Variants in PLEKHM1 observed in about 807,000 individuals in gnomAD.
PLEKHM1 encodes pleckstrin homology domain-containing family M member 1.
PLEKHM1 carries 28 observed loss-of-function variants against 94.3 expected under a neutral mutation model. That is an observed-to-expected ratio of 0.30 (90% confidence interval 0.22 to 0.41). The LOEUF (loss-of-function observed/expected upper bound fraction) is 0.41. PLEKHM1 is among the 10% of genes least tolerant of loss of function. The pLI is 1.00. For missense variants in PLEKHM1, 907 were observed against 1,358.6 expected, an observed-to-expected ratio of 0.67 and a Z score of 5.22; for synonymous variants, 424 against 581.2, an observed-to-expected ratio of 0.73 and a Z score of 3.89.
At chr17:45,477,186 C>A (rs1284935024) in intron 3 of PLEKHM1, 1 of 156,506 alleles carries the variant, frequency 6.4e-6, no homozygotes, top group Non-Finnish European at 1.4e-5. Context: ...TATATAATCC[C>A]AGCACTTTGG....
chr17:45,441,262 C>T (rs748904837), intron 9 of PLEKHM1, among the ~76,000 whole-genome samples: 2 of 152,140 alleles, frequency 1.3e-5, no homozygotes, highest in South Asian at 2.1e-4. Context: ...TGGGTCTGGG[C>T]CTCCGGGGTG....
chr17:45,454,419 G>C, intron 6 of PLEKHM1, 147 bp from the exon 7 acceptor site: 1 of 724,462 alleles, frequency 1.4e-6, no homozygotes, highest in Non-Finnish European at 2.4e-6. Flanking sequence ...CTATCACATG[G>C]GACCCTGAAA....
At chr17:45,452,653 T>G (rs1010362953) in intron 7 of PLEKHM1, among the ~76,000 whole-genome samples, 1 of 151,900 alleles carries the variant, frequency 6.6e-6, no homozygotes, top group Admixed American at 6.6e-5. Flanking sequence ...AAGTATTAGA[T>G]TTGATGATGA....
chr17:45,463,345 G>C lies in PLEKHM1; in HGVS notation c.1308+4864C>G, dbSNP rs116098462. On this transcript the variant is annotated intron_variant, in intron 5 of 11. Coordinates refer to ENST00000430334, the MANE Select transcript of PLEKHM1 (RefSeq NM_014798.3). ...GCCCCAGGCAGGTGGGGAGCAGAGAGAGGGTGTGAGAGAGAGTGCATGCAT... is the reference window on the plus strand; with the variant it reads ...GCCCCAGGCAGGTGGGGAGCAGAGACAGGGTGTGAGAGAGAGTGCATGCAT... Among the ~76,000 whole-genome samples the C allele has an allele frequency of 5.2e-3, 790 of 152,322 alleles. 8 individuals are homozygous for C. Among genetic ancestry groups the C allele is most frequent in the African/African-American group, 0.018 (756 of 41,578 alleles).
intron 1 of PLEKHM1, chr17:45,487,659 A>G: frequency 2.2e-6 from 1 of 455,682 alleles, no homozygotes; most frequent in Non-Finnish European, 4.4e-6. Flanking sequence ...GGCCTTCTCT[A>G]TATGTCCAAT....
chr17:45,470,668 T>A (rs2051476514), intron 4 of PLEKHM1, among the ~76,000 whole-genome samples: 1 of 150,856 alleles, frequency 6.6e-6, no homozygotes, highest in East Asian at 2.0e-4. Flanking sequence ...GTTTTTTTTT[T>A]TTTTATTTGA....
intron 3 of PLEKHM1, chr17:45,477,678 G>C: frequency 1.7e-6 from 1 of 597,222 alleles, no homozygotes; most frequent in Non-Finnish European, 3.0e-6. Flanking sequence ...ACAGGCTCTT[G>C]CCTGAGTGCT....
chr17:45,440,413 G>A (rs756043440), intron 9 of PLEKHM1, 187 bp from the exon 10 acceptor site: 20 of 667,926 alleles, frequency 3.0e-5, no homozygotes, highest in Non-Finnish European at 5.2e-5. Flanking sequence ...CTAACTAGCT[G>A]GTGGGACCTT....
chr17:45,480,597 C>A (rs1321713690), intron 2 of PLEKHM1, among the ~76,000 whole-genome samples: 1 of 152,206 alleles, frequency 6.6e-6, no homozygotes, highest in Admixed American at 6.5e-5. Flanking sequence ...AAGGGGAATA[C>A]GAAGTGAATG....
At chr17:45,464,406 G>A (rs1406776861) in intron 5 of PLEKHM1, among the ~76,000 whole-genome samples, 3 of 152,056 alleles carry the variant, frequency 2.0e-5, no homozygotes, top group Non-Finnish European at 2.9e-5. Context: ...ACTTGACAGC[G>A]ACCCCAACAT....
chr17:45,471,926 G>A (rs1272726449), intron 4 of PLEKHM1, among the ~76,000 whole-genome samples: 1 of 152,026 alleles, frequency 6.6e-6, no homozygotes, highest in Non-Finnish European at 1.5e-5. Flanking sequence ...CAATCTACAC[G>A]GAAGAAGCTA....
chr17:45,463,288 C>G (rs1159863593), intron 5 of PLEKHM1, among the ~76,000 whole-genome samples: 1 of 152,070 alleles, frequency 6.6e-6, no homozygotes, highest in Non-Finnish European at 1.5e-5. Flanking sequence ...TGCACATGGG[C>G]CTGGACAGAG....
intron 5 of PLEKHM1, chr17:45,460,197 C>T (rs1324625245): frequency 6.6e-6 from 1 of 152,166 alleles, no homozygotes; most frequent in Non-Finnish European, 1.5e-5. Flanking sequence ...AGGAGAAAGG[C>T]GGGAACAGAT....
At chr17:45,454,309 G>A (rs756920773) in intron 6 of PLEKHM1, 37 bp from the exon 7 acceptor site, 47 of 1,541,158 alleles carry the variant, frequency 3.0e-5, no homozygotes, top group Admixed American at 2.5e-4. Context: ...ATTAGTTGGC[G>A]GGCCTGTCTC....
chr17:45,465,553 T>C (rs371706856), intron 5 of PLEKHM1, among the ~76,000 whole-genome samples: 11 of 151,578 alleles, frequency 7.3e-5, no homozygotes, highest in East Asian at 3.9e-4. Flanking sequence ...TTTGTAAAAA[T>C]ACAAAAATTA....
At chr17:45,450,099 A>G (rs1297787758) in intron 8 of PLEKHM1, among the ~76,000 whole-genome samples, 1 of 149,262 alleles carries the variant, frequency 6.7e-6, no homozygotes, top group Non-Finnish European at 1.5e-5. Flanking sequence ...TCATTCACCT[A>G]CCTACCTACC....
At chr17:45,484,544 TTGCCTGTAACTTC>T (rs1191999498) in intron 1 of PLEKHM1, among the ~76,000 whole-genome samples, 3 of 152,240 alleles carry the variant, frequency 2.0e-5, no homozygotes, top group Non-Finnish European at 4.4e-5. Context: ...ATTTATGTCT[TTGCCTGTAACTTC>T]TGCCTGTAAC....
At chr17:45,458,135 A>G (rs2145237362) in intron 6 of PLEKHM1, 34 bp downstream of exon 6, 2 of 1,602,470 alleles carry the variant, frequency 1.2e-6, no homozygotes, top group South Asian at 1.1e-5. Flanking sequence ...GTCCCTGCAG[A>G]TGGGACCCAC....
At chr17:45,447,143 G>A (rs2145189086) in intron 8 of PLEKHM1, among the ~76,000 whole-genome samples, 1 of 152,352 alleles carries the variant, frequency 6.6e-6, no homozygotes, top group South Asian at 2.1e-4. Flanking sequence ...TGAGTGCCTG[G>A]TGTGGCCCTG....
Sources: gnomAD v4.1 joint callset for allele counts (sites outside exome capture counted in the v4.1 genomes callset) on GRCh38, gnomAD v4.1.1 for gene constraint, MANE v1.5 for transcripts, NCBI Gene and HGNC (gene_info 2026-07-23, HGNC 2026-07-21) for gene names.